Variants in AGBL4 observed in about 807,000 individuals in gnomAD.
AGBL4 encodes the protein AGBL carboxypeptidase 4, also known as cytosolic carboxypeptidase 6.
Under a neutral mutation model 66.4 loss-of-function variants are expected in AGBL4, and 58 were observed. The ratio of observed to expected loss-of-function variants is 0.87; its 90% CI spans 0.71 to 1.09. The LOEUF is 1.09. Among genes scored for constraint, AGBL4 ranks in the 50% least tolerant of loss-of-function variants. The probability of loss-of-function intolerance (pLI) is 0.00; values close to 1 mark genes in which losing one functional copy is unlikely to be tolerated. For synonymous variants in AGBL4, 234 were observed against 222.9 expected, an observed-to-expected ratio of 1.05 and a Z score of -0.44; for missense variants, 579 against 631.0, an observed-to-expected ratio of 0.92 and a Z score of 0.88.
At chr1:50,013,840 CA>C (rs1449937698) in intron 1 of AGBL4, among the ~76,000 whole-genome samples, 1 of 152,142 alleles carries the variant, frequency 6.6e-6, no homozygotes, top group African/African-American at 2.4e-5. Flanking sequence ...GAATGAAAGG[CA>C]CCAATTAATC....
At chr1:49,948,121 A>AAT (rs377269028) in intron 1 of AGBL4, among the ~76,000 whole-genome samples, 1 of 96,204 alleles carries the variant, frequency 1.0e-5, no homozygotes, top group Non-Finnish European at 1.8e-5. Context: ...AATGTATGTA[A>AAT]ATATATATAA....
chr1:49,273,491 G>A (rs1644104295), intron 3 of AGBL4, among the ~76,000 whole-genome samples: 1 of 148,962 alleles, frequency 6.7e-6, no homozygotes. Context: ...AATTATAAGA[G>A]GTTATACAAG....
intron 1 of AGBL4, among the ~76,000 whole-genome samples, chr1:49,919,647 A>G (rs1355457320): frequency 6.6e-6 from 1 of 152,100 alleles, no homozygotes; most frequent in Non-Finnish European, 1.5e-5. Context: ...CAATATCGTG[A>G]AAATGGCCAT....
intron 1 of AGBL4, chr1:49,995,200 G>C (rs539389784): frequency 6.6e-6 from 3 of 456,292 alleles, no homozygotes; most frequent in East Asian, 7.0e-5. Flanking sequence ...CAGGTGGGGA[G>C]GCACAAATCC....
chr1:48,658,286 G>A (rs1342747540), intron 7 of AGBL4, among the ~76,000 whole-genome samples: 3 of 152,234 alleles, frequency 2.0e-5, no homozygotes, highest in African/African-American at 4.8e-5. Context: ...GCATATGCCT[G>A]CATGATTTTC....
intron 2 of AGBL4, among the ~76,000 whole-genome samples, chr1:49,702,041 A>G (rs1442806748): frequency 6.6e-6 from 1 of 152,178 alleles, no homozygotes; most frequent in Non-Finnish European, 1.5e-5. Flanking sequence ...GTCTGGAAAG[A>G]CAACAAACAA....
chr1:49,372,671 CTTTCTT>C (rs1557878758), intron 3 of AGBL4, among the ~76,000 whole-genome samples: 1 of 113,566 alleles, frequency 8.8e-6, no homozygotes, highest in Admixed American at 9.6e-5. Flanking sequence ...TTCTTTCTTT[CTTTCTT>C]TCTCTTTCTT....
intron 4 of AGBL4, among the ~76,000 whole-genome samples, chr1:49,128,443 G>T (rs1645810857): frequency 6.6e-6 from 1 of 151,986 alleles, no homozygotes; most frequent in African/African-American, 2.4e-5. Flanking sequence ...TATACTACCT[G>T]ATTTTAAGAG....
rs191904188 is a variant in AGBL4, at chr1:49,414,424, A to C, written c.283-168560T>G. Among the ~76,000 whole-genome samples the C allele has an allele frequency of 1.6e-3, 238 of 152,322 alleles. 1 individual carries two copies. The highest frequency in any genetic ancestry group is 4.9e-3 in the African/African-American group (203 of 41,584). On this transcript the variant is annotated intron_variant, in intron 3 of 13. Transcript: ENST00000371839. ...GGACCATACTCTAGTTTGTAATTTA[A>C]AAAGTCATCAGCAACATGCAGACTA...
At chr1:49,332,037 A>G (rs1645345803) in intron 3 of AGBL4, among the ~76,000 whole-genome samples, 1 of 152,188 alleles carries the variant, frequency 6.6e-6, no homozygotes. Flanking sequence ...GTTCCCAAGC[A>G]CAGAGGGGCT....
intron 4 of AGBL4, among the ~76,000 whole-genome samples, chr1:49,176,603 T>C (rs999163810): frequency 6.6e-6 from 1 of 152,198 alleles, no homozygotes; most frequent in African/African-American, 2.4e-5. Context: ...TGTTTGATAA[T>C]AGAGGCTAAT....
intron 2 of AGBL4, among the ~76,000 whole-genome samples, chr1:49,847,092 T>C (rs997313932): frequency 7.2e-5 from 11 of 152,078 alleles, no homozygotes; most frequent in Non-Finnish European, 1.6e-4. Flanking sequence ...ACAATTAACA[T>C]CAATTAAAGA....
intron 5 of AGBL4, among the ~76,000 whole-genome samples, chr1:48,884,098 C>G (rs576699627): frequency 6.6e-6 from 1 of 152,298 alleles, no homozygotes; most frequent in East Asian, 1.9e-4. Context: ...ACTCATGGCT[C>G]TGCCTTTTTC....
intron 3 of AGBL4, among the ~76,000 whole-genome samples, chr1:49,361,061 G>A (rs1300796579): frequency 6.6e-6 from 1 of 151,982 alleles, no homozygotes; most frequent in Non-Finnish European, 1.5e-5. Flanking sequence ...GCCTCTCAAA[G>A]GGCTGGGATT....
At chr1:49,751,493 T>C (rs961844061) in intron 2 of AGBL4, among the ~76,000 whole-genome samples, 1 of 152,218 alleles carries the variant, frequency 6.6e-6, no homozygotes, top group African/African-American at 2.4e-5. Flanking sequence ...CAGAATTTTA[T>C]TGAGGATTTT....
chr1:49,258,490 C>T (rs1237030147), intron 3 of AGBL4, among the ~76,000 whole-genome samples: 2 of 151,922 alleles, frequency 1.3e-5, no homozygotes, highest in Admixed American at 6.6e-5. Flanking sequence ...AGCCAAGGCT[C>T]GAGAACTACG....
chr1:49,568,307 AT>A (rs1363296802), intron 3 of AGBL4, among the ~76,000 whole-genome samples: 1 of 152,184 alleles, frequency 6.6e-6, no homozygotes, highest in African/African-American at 2.4e-5. Context: ...TACAAAATTA[AT>A]GTAAAAAATG....
chr1:48,690,753 A>G (rs530573616), intron 6 of AGBL4, among the ~76,000 whole-genome samples: 1 of 152,376 alleles, frequency 6.6e-6, no homozygotes, highest in African/African-American at 2.4e-5. Flanking sequence ...GCTTAAAGCC[A>G]GACTTGGACC....
intron 3 of AGBL4, among the ~76,000 whole-genome samples, chr1:49,540,280 G>T (rs576903182): frequency 1.3e-5 from 2 of 152,050 alleles, no homozygotes; most frequent in African/African-American, 2.4e-5. Flanking sequence ...ATTCTTCCAT[G>T]ACTTTGTATA....
Sources: gnomAD v4.1 joint callset for allele counts (sites outside exome capture counted in the v4.1 genomes callset) on GRCh38, gnomAD v4.1.1 for gene constraint, MANE v1.5 for transcripts, NCBI Gene and HGNC (gene_info 2026-07-23, HGNC 2026-07-21) for gene names.